The following SERGEF variants were observed in gnomAD, a reference collection of about 807,000 sequenced individuals.
SERGEF encodes secretion-regulating guanine nucleotide exchange factor.
Under a neutral mutation model 50.0 loss-of-function variants are expected in SERGEF, and 51 were observed. That is an observed-to-expected ratio of 1.02 (90% CI 0.81 to 1.29). The LOEUF (loss-of-function observed/expected upper bound fraction) is 1.29, where lower values mean the gene tolerates loss of function less well. Ranked by LOEUF, SERGEF falls within the 50% of genes most tolerant of loss-of-function variation. The probability of loss-of-function intolerance (pLI) is 0.00; values close to 1 mark genes in which losing one functional copy is unlikely to be tolerated. For synonymous variants in SERGEF, 205 were observed against 212.4 expected (o/e 0.97, Z 0.30); for missense variants, 521 against 557.0 (o/e 0.94, Z 0.65).
chr11:18,007,957 G>A lies in SERGEF; in HGVS notation c.180C>T (p.His60=). ...SVRRITGGGG[H]SAVVTDGGDL... ...GGAAATTACCTGTGACAACTGCAGAGTGGCCCCCTCCTCCTGTGATCCTCC... is the reference window on the plus strand; with the variant it reads ...GGAAATTACCTGTGACAACTGCAGAATGGCCCCCTCCTCCTGTGATCCTCC... Residue 60 remains histidine, a synonymous_variant, in exon 2 of 11, where the codon CAC becomes CAT. Transcript: ENST00000265965. The A allele has an allele frequency of 6.2e-7, 1 of 1,613,636 alleles. No homozygotes were observed. Among genetic ancestry groups the A allele is most frequent in the East Asian group, 2.2e-5 (1 of 44,878 alleles).
chr11:17,918,738 C>T (rs1852099225), intron 9 of SERGEF: 1 of 450,516 alleles, frequency 2.2e-6, no homozygotes, highest in African/African-American at 2.0e-5. Flanking sequence ...AGGACCTGGA[C>T]ATCAGGGAAG....
At chr11:17,796,470 T>C (rs534371908) in intron 10 of SERGEF, among the ~76,000 whole-genome samples, 1 of 152,326 alleles carries the variant, frequency 6.6e-6, no homozygotes, top group South Asian at 2.1e-4. Context: ...ATGCTGTCAC[T>C]GTGGGAATGG....
chr11:17,853,013 G>C (rs889438555), intron 10 of SERGEF, among the ~76,000 whole-genome samples: 23 of 152,198 alleles, frequency 1.5e-4, no homozygotes, highest in Admixed American at 1.2e-3. Flanking sequence ...CAGTATCAGA[G>C]AGTAGTAGCA....
intron 9 of SERGEF, among the ~76,000 whole-genome samples, chr11:17,910,193 A>ACACACACTCTCT (rs869123110): frequency 6.9e-6 from 1 of 145,638 alleles, no homozygotes; most frequent in Non-Finnish European, 1.5e-5. Context: ...ACACACACAC[A>ACACACACTCTCT]CTCTCTCTCT....
intron 7 of SERGEF, among the ~76,000 whole-genome samples, chr11:17,990,572 C>G (rs1406452497): frequency 1.3e-5 from 2 of 152,160 alleles, no homozygotes; most frequent in Admixed American, 6.5e-5. Context: ...CTTAGTAGCT[C>G]TAAACCATCT....
At chr11:17,833,250 G>C (rs534182951) in intron 10 of SERGEF, among the ~76,000 whole-genome samples, 2 of 152,298 alleles carry the variant, frequency 1.3e-5, no homozygotes, top group South Asian at 4.1e-4. Flanking sequence ...CGTAGAGCTT[G>C]GGCCGTGGCT....
chr11:17,799,160 A>G (rs962494453), intron 10 of SERGEF, among the ~76,000 whole-genome samples: 2 of 151,954 alleles, frequency 1.3e-5, no homozygotes, highest in African/African-American at 4.8e-5. Flanking sequence ...CTCAGTCATC[A>G]TCATCCCTCT....
intron 1 of SERGEF, among the ~76,000 whole-genome samples, chr11:18,011,724 T>C (rs906787974): frequency 6.6e-6 from 1 of 152,152 alleles, no homozygotes; most frequent in African/African-American, 2.4e-5. Context: ...TGAAACAATA[T>C]TTCTGTTTCC....
In SERGEF at chr11:17,830,086, C is replaced by G. The variant is rs527351600; in HGVS notation, c.1049-41673G>C. Among the ~76,000 whole-genome samples the G allele has an allele frequency of 1.1e-3, 165 of 152,312 alleles. 1 individual carries two copies. The highest frequency in any genetic ancestry group is 3.8e-3 in the African/African-American group (156 of 41,564). On this transcript the variant is annotated intron_variant, in intron 10 of 10. Transcript: ENST00000265965. ...GGCTCAGATAGAGGTGATTTCTGCT[C>G]TGGTTGCCAAAGCACTAATACCCAC...
chr11:17,798,796 T>A (rs1433025123), intron 10 of SERGEF, among the ~76,000 whole-genome samples: 1 of 152,228 alleles, frequency 6.6e-6, no homozygotes, highest in South Asian at 2.1e-4. Flanking sequence ...CATATGGCGT[T>A]ATGGGCTTTT....
intron 1 of SERGEF, chr11:18,010,094 G>T: frequency 8.0e-7 from 1 of 1,252,852 alleles, no homozygotes; most frequent in Non-Finnish European, 1.0e-6. Flanking sequence ...GTTCTTCCTG[G>T]AGATGAGAAG....
At chr11:17,949,491 G>C (rs574911644) in intron 9 of SERGEF, among the ~76,000 whole-genome samples, 24 of 152,146 alleles carry the variant, frequency 1.6e-4, no homozygotes, top group Admixed American at 2.6e-4. Context: ...CCCAAACAGT[G>C]ACTAAGGATC....
intron 10 of SERGEF, among the ~76,000 whole-genome samples, chr11:17,869,807 T>C (rs1466175603): frequency 2.6e-5 from 4 of 152,230 alleles, no homozygotes; most frequent in African/African-American, 7.2e-5. Context: ...AAGATGTCCA[T>C]GTCCTAATTC....
intron 9 of SERGEF, among the ~76,000 whole-genome samples, chr11:17,880,457 A>G (rs1851316244): frequency 6.6e-6 from 1 of 152,212 alleles, no homozygotes. Context: ...GCCTCGGAAA[A>G]TGATGCTTAT....
At chr11:17,833,703 G>C (rs957749068) in intron 10 of SERGEF, among the ~76,000 whole-genome samples, 1 of 152,220 alleles carries the variant, frequency 6.6e-6, no homozygotes, top group African/African-American at 2.4e-5. Context: ...TGCATCAAGT[G>C]ACCTGGATGT....
At chr11:17,816,748 T>C (rs1284239908) in intron 10 of SERGEF, among the ~76,000 whole-genome samples, 3 of 152,192 alleles carry the variant, frequency 2.0e-5, no homozygotes, top group Non-Finnish European at 4.4e-5. Context: ...GTCTTGTCTC[T>C]TGTGGCCTGA....
intron 9 of SERGEF, among the ~76,000 whole-genome samples, chr11:17,928,515 T>C (rs951574606): frequency 8.5e-5 from 13 of 152,268 alleles, no homozygotes; most frequent in African/African-American, 3.1e-4. Flanking sequence ...TCCCACAGAC[T>C]GCAAGCTTTG....
At chr11:17,939,024 A>G (rs976737227) in intron 9 of SERGEF, among the ~76,000 whole-genome samples, 1 of 152,228 alleles carries the variant, frequency 6.6e-6, no homozygotes, top group Non-Finnish European at 1.5e-5. Flanking sequence ...TAAATTCTGA[A>G]TGAAAGAATG....
chr11:17,907,494 T>G (rs1420135805), intron 9 of SERGEF, among the ~76,000 whole-genome samples: 1 of 152,230 alleles, frequency 6.6e-6, no homozygotes, highest in Non-Finnish European at 1.5e-5. Flanking sequence ...ATTAGTTATA[T>G]GTTCTTTCCC....
Sources: allele counts gnomAD v4.1 joint callset (sites outside exome capture counted in the v4.1 genomes callset), GRCh38; gene constraint gnomAD v4.1.1; transcripts MANE v1.5; gene names NCBI Gene and HGNC (gene_info 2026-07-23, HGNC 2026-07-21).